BORCS5: variants seen among roughly 807,000 people sequenced by gnomAD.
BORCS5 encodes the protein BLOC-1-related complex subunit 5.
In BORCS5, 17 loss-of-function variants were observed where a neutral mutation model predicts 22.1. The ratio of observed to expected loss-of-function variants is 0.77; its 90% CI spans 0.53 to 1.15. The LOEUF (loss-of-function observed/expected upper bound fraction) is 1.15. Among genes scored for constraint, BORCS5 ranks in the 50% most tolerant of loss-of-function variants. BORCS5 has a pLI of 0.00. For synonymous variants in BORCS5, 117 were observed against 99.8 expected (o/e 1.17, Z -1.03); for missense variants, 247 against 253.2 (o/e 0.98, Z 0.17).
intron 2 of BORCS5, among the ~76,000 whole-genome samples, chr12:12,416,720 T>C (rs1387016992): frequency 1.3e-5 from 2 of 152,022 alleles, no homozygotes; most frequent in East Asian, 3.9e-4. Context: ...CTCCGCCTAC[T>C]GAGTAGATGG....
At chr12:12,378,443 A>G (rs1471255839) in intron 2 of BORCS5, among the ~76,000 whole-genome samples, 1 of 152,230 alleles carries the variant, frequency 6.6e-6, no homozygotes, top group African/African-American at 2.4e-5. Flanking sequence ...GGCTTAGTAT[A>G]TAGTACCTCT....
intron 2 of BORCS5, among the ~76,000 whole-genome samples, chr12:12,369,409 T>G (rs969596617): frequency 6.6e-6 from 1 of 152,190 alleles, no homozygotes; most frequent in Non-Finnish European, 1.5e-5. Flanking sequence ...TGTAAATTGA[T>G]ATGGTTGGAT....
At chr12:12,368,157 G>C (rs1262837327) in intron 2 of BORCS5, among the ~76,000 whole-genome samples, 1 of 151,996 alleles carries the variant, frequency 6.6e-6, no homozygotes, top group Admixed American at 6.6e-5. Context: ...TTTCATGCTT[G>C]AAGTTTTTTT....
At chr12:12,433,652 CCAATTT>C (rs1942486638) in intron 2 of BORCS5, among the ~76,000 whole-genome samples, 1 of 152,098 alleles carries the variant, frequency 6.6e-6, no homozygotes, top group South Asian at 2.1e-4. Context: ...TAAAAAATTC[CCAATTT>C]CTGCTAATAC....
At chr12:12,378,594 G>C (rs1015364973) in intron 2 of BORCS5, among the ~76,000 whole-genome samples, 2 of 151,672 alleles carry the variant, frequency 1.3e-5, no homozygotes, top group African/African-American at 4.8e-5. Flanking sequence ...AACAATTGAA[G>C]AATTATCACA....
Position 12,435,659 on chromosome 12 carries a change from T to C in BORCS5, c.234T>C (p.Asn78=). 1 of 1,614,022 alleles carries C rather than the reference T, an allele frequency of 6.2e-7. No homozygotes were observed. Among genetic ancestry groups the C allele is most frequent in the East Asian group, 2.2e-5 (1 of 44,886 alleles). The change falls in exon 3 of 4, where the codon AAT becomes AAC. Residue 78 remains asparagine, a synonymous_variant. Transcript: ENST00000314565. ...TGAGTGGCCAGACTTCCCCAACAAA[T>C]GCCAAATTGGAGAAACTGGACTCTC... is the stretch of plus-strand genomic sequence containing the variant. The part of the protein sequence containing the change: ...GLLSGQTSPT[N]AKLEKLDSQQ...
intron 3 of BORCS5, among the ~76,000 whole-genome samples, chr12:12,464,984 T>C (rs1465974913): frequency 6.6e-6 from 1 of 152,130 alleles, no homozygotes; most frequent in Non-Finnish European, 1.5e-5. Context: ...TTTGTTATTG[T>C]TGTTAGAAAC....
chr12:12,452,430 ACT>A, intron 3 of BORCS5: 1 of 543,688 alleles, frequency 1.8e-6, no homozygotes, highest in South Asian at 1.4e-5. Context: ...GGCTGGTAGA[ACT>A]TGGAGAGCCG....
intron 3 of BORCS5, among the ~76,000 whole-genome samples, chr12:12,446,145 C>G (rs1942784221): frequency 6.6e-6 from 1 of 151,954 alleles, no homozygotes; most frequent in Non-Finnish European, 1.5e-5. Context: ...GGAAATATCA[C>G]TACAAAACAG....
At chr12:12,462,483 C>G (rs1044890599) in intron 3 of BORCS5, among the ~76,000 whole-genome samples, 2 of 152,092 alleles carry the variant, frequency 1.3e-5, no homozygotes, top group South Asian at 2.1e-4. Flanking sequence ...GCCCTTAAAC[C>G]TAGGTGGTCT....
chr12:12,383,915 G>T (rs973981777), intron 2 of BORCS5, among the ~76,000 whole-genome samples: 3 of 151,060 alleles, frequency 2.0e-5, no homozygotes, highest in African/African-American at 4.9e-5. Context: ...TTATGCATGT[G>T]TTGGCATGTT....
intron 2 of BORCS5, among the ~76,000 whole-genome samples, chr12:12,433,349 G>C (rs1384807057): frequency 1.4e-5 from 1 of 70,854 alleles, no homozygotes; most frequent in South Asian, 4.0e-4. Context: ...AAAAAAAAAA[G>C]GAAATCTGCC....
intron 3 of BORCS5, among the ~76,000 whole-genome samples, chr12:12,457,466 G>T (rs909032659): frequency 6.6e-6 from 1 of 152,166 alleles, no homozygotes; most frequent in Non-Finnish European, 1.5e-5. Context: ...TCAGGAGATC[G>T]AGACCATCCT....
At chr12:12,447,987 T>C (rs1421784268) in intron 3 of BORCS5, among the ~76,000 whole-genome samples, 1 of 152,176 alleles carries the variant, frequency 6.6e-6, no homozygotes, top group Non-Finnish European at 1.5e-5. Context: ...ATGTTGCAGC[T>C]GTCGTTTTTA....
At chr12:12,414,563 A>AC (rs1191596794) in intron 2 of BORCS5, among the ~76,000 whole-genome samples, 1 of 73,282 alleles carries the variant, frequency 1.4e-5, no homozygotes, top group Non-Finnish European at 2.7e-5. Context: ...CGGGGGGCTG[A>AC]CCCCCCCACC....
At chr12:12,410,639 A>G (rs1334179819) in intron 2 of BORCS5, among the ~76,000 whole-genome samples, 2 of 152,172 alleles carry the variant, frequency 1.3e-5, no homozygotes, top group Non-Finnish European at 2.9e-5. Flanking sequence ...GCCTTGTAGT[A>G]TAGTTTGAAG....
At chr12:12,417,161 G>T in intron 2 of BORCS5, among the ~76,000 whole-genome samples, 1 of 131,578 alleles carries the variant, frequency 7.6e-6, no homozygotes, top group African/African-American at 3.2e-5. Flanking sequence ...GGTATATTGT[G>T]TTTTTGTTTT....
At chr12:12,387,470 C>A (rs1476995280) in intron 2 of BORCS5, among the ~76,000 whole-genome samples, 3 of 151,526 alleles carry the variant, frequency 2.0e-5, no homozygotes, top group African/African-American at 7.3e-5. Context: ...ATGGAAGTAT[C>A]TTTTATTCTG....
chr12:12,415,801 GT>G (rs1437516350), intron 2 of BORCS5, among the ~76,000 whole-genome samples: 1 of 151,992 alleles, frequency 6.6e-6, no homozygotes, highest in Non-Finnish European at 1.5e-5. Flanking sequence ...TTCTTGTAGT[GT>G]TTTTGTCTTG....
Sources: allele counts gnomAD v4.1 joint callset (sites outside exome capture counted in the v4.1 genomes callset), GRCh38; gene constraint gnomAD v4.1.1; transcripts MANE v1.5; gene names NCBI Gene and HGNC (gene_info 2026-07-23, HGNC 2026-07-21).